The following LAMC3 variants were observed in gnomAD, a reference collection of about 807,000 sequenced individuals.
LAMC3 encodes laminin subunit gamma 3.
A neutral mutation model predicts 173.8 loss-of-function variants in LAMC3; 128 were observed. The observed-to-expected ratio is 0.74, with a 90% CI of 0.64 to 0.85. The LOEUF (loss-of-function observed/expected upper bound fraction) is 0.85. Among genes scored for constraint, LAMC3 ranks in the 40% least tolerant of loss-of-function variants. The pLI is 0.00. For synonymous variants in LAMC3, 897 were observed against 909.1 expected (o/e 0.99, Z 0.24); for missense variants, 2,022 against 2,156.0 (o/e 0.94, Z 1.23).
chr9:131,065,301 C>T (rs567559306), intron 13 of LAMC3, among the ~76,000 whole-genome samples: 41 of 152,302 alleles, frequency 2.7e-4, no homozygotes, highest in African/African-American at 9.4e-4. Flanking sequence ...AGCATGTCTT[C>T]TGCAGCTCAC....
rs1291791396 is a variant in LAMC3 at position 131,082,134 on chromosome 9, G to A, written c.4003G>A (p.Ala1335Thr). 6.2e-7 allele frequency: 1 copy of A among 1,613,748 alleles called. No individual in the cohort carries two copies. The highest frequency in any genetic ancestry group is 1.3e-5 in the African/African-American group (1 of 75,060). ...VQAATVTVMGARTLLADLEGM... is the reference protein window; with the variant it reads ...VQAATVTVMGTRTLLADLEGM... The stretch of plus-strand genomic sequence containing the variant: ...GGCTGCGACAGTGACTGTCATGGGA[G>A]CCAGGACTCTGCTGGCTGATCTGGA... The change falls in exon 24 of 28, where the codon GCC (alanine) becomes ACC (threonine). Residue 1335 changes from alanine to threonine, a missense_variant. Physicochemically the swap from Ala to Thr is moderately conservative, Grantham distance 58. Transcript: ENST00000361069.
chr9:131,025,754 G>A (rs1016532131), intron 1 of LAMC3, among the ~76,000 whole-genome samples: 1 of 152,150 alleles, frequency 6.6e-6, no homozygotes, highest in African/African-American at 2.4e-5. Flanking sequence ...TGGGAGATGA[G>A]GCTGTGGGGC....
intron 23 of LAMC3, chr9:131,080,473 G>C (rs1423518392): frequency 6.6e-6 from 1 of 152,040 alleles, no homozygotes; most frequent in East Asian, 1.9e-4. Flanking sequence ...ATTTTTAGTA[G>C]AGATGGGGTT....
chr9:131,055,643 T>C (rs1212374235), intron 11 of LAMC3, among the ~76,000 whole-genome samples: 1 of 151,670 alleles, frequency 6.6e-6, no homozygotes, highest in East Asian at 1.9e-4. Context: ...GCCAGGATGG[T>C]CTCGATTTCC....
chr9:131,072,637 G>T lies in LAMC3; in HGVS notation c.3219G>T (p.Arg1073=). 6.2e-7 allele frequency: 1 copy of T among 1,609,802 alleles called. No homozygotes were observed. The highest frequency in any genetic ancestry group is 2.2e-5 in the East Asian group (1 of 44,834). Residue 1073 remains arginine, a synonymous_variant, in exon 19 of 28, where the codon CGG becomes CGT. Transcript: ENST00000361069. The stretch of plus-strand genomic sequence containing the variant: ...GCTGTGGGCTTCCCATAGGGGCTCG[G>T]GAAGCCTTCCTGGAGCAGATGATGA... ...YQGHHLLPGA[R]EAFLEQMMSL... is the part of the protein sequence containing the mutation.
At chr9:131,059,545 G>GACAA (rs1554788252) in intron 12 of LAMC3, among the ~76,000 whole-genome samples, 1 of 73,892 alleles carries the variant, frequency 1.4e-5, no homozygotes, top group Non-Finnish European at 3.6e-5. Flanking sequence ...AGCCGGGGAG[G>GACAA]GCAAGCACAA....
At chr9:131,064,467 T>G (rs1185682070) in intron 13 of LAMC3, among the ~76,000 whole-genome samples, 7 of 148,246 alleles carry the variant, frequency 4.7e-5, no homozygotes, top group Non-Finnish European at 7.5e-5. Flanking sequence ...ATCGAGACCA[T>G]CCTGGCTAAC....
chr9:131,029,327 G>A lies in LAMC3; in HGVS notation c.679-2718G>A, dbSNP rs374144373. On this transcript the variant is annotated intron_variant, in intron 2 of 27. Coordinates refer to ENST00000361069, the MANE Select transcript of LAMC3 (RefSeq NM_006059.4). This position sits in a 1 kb window ranked among gnomAD's most constrained non-coding sequence, Gnocchi z 4.6. Reference sequence around the variant, plus strand: ...TTAAAAATTACAATTTCTTCTCCACGGGGCTCCAAAGCTCTGTAGATTAGA... The same window carrying A: ...TTAAAAATTACAATTTCTTCTCCACAGGGCTCCAAAGCTCTGTAGATTAGA... 5.3e-5 allele frequency among the ~76,000 whole-genome samples: 8 copies of A among 152,150 alleles called. No individual in the cohort carries two copies. Among genetic ancestry groups the A allele is most frequent in the Non-Finnish European group, 7.3e-5 (5 of 68,046 alleles).
In LAMC3 at chr9:131,009,603, G is replaced by A; in HGVS notation, c.373+16G>A. On this transcript the variant is annotated intron_variant, in intron 1 of 27. Coordinates refer to ENST00000361069, the MANE Select transcript of LAMC3 (RefSeq NM_006059.4). The surrounding 1 kb of genome is among the most constrained non-coding windows in gnomAD (Gnocchi z 4.3). The stretch of plus-strand genomic sequence containing the variant: ...CTCCGCCTAGGTAAGCGCGGGCTGG[G>A]GGCACCGCCACCGCACCCCGTGTCC... 1 of 1,562,502 alleles carries A rather than the reference G, an allele frequency of 6.4e-7. No homozygotes were observed.
intron 17 of LAMC3, among the ~76,000 whole-genome samples, chr9:131,070,217 C>T (rs1048878223): frequency 2.0e-5 from 3 of 152,212 alleles, no homozygotes; most frequent in African/African-American, 4.8e-5. Context: ...TGCAGAAGTC[C>T]GGAGTTCAAG....
intron 3 of LAMC3, among the ~76,000 whole-genome samples, chr9:131,032,649 ACTCACTCTCT>A (rs199588560): frequency 0.057 from 6,272 of 109,822 alleles, 175 homozygotes; most frequent in South Asian, 0.19. Context: ...TCTCGCTCTC[ACTCACTCTCT>A]CTCACTCTCT....
chr9:131,034,915 G>T (rs1315805147), intron 3 of LAMC3, among the ~76,000 whole-genome samples: 1 of 151,780 alleles, frequency 6.6e-6, no homozygotes, highest in East Asian at 1.9e-4. Context: ...GTCCATTCTT[G>T]TACTGCTGTA....
At chr9:131,054,528 C>T (rs1217485711) in intron 11 of LAMC3, among the ~76,000 whole-genome samples, 4 of 151,882 alleles carry the variant, frequency 2.6e-5, no homozygotes, top group Non-Finnish European at 4.4e-5. Context: ...CTGAGGCGGG[C>T]GGATCACTTG....
At chr9:131,065,609 GTGA>G (rs1829917704) in intron 13 of LAMC3, among the ~76,000 whole-genome samples, 1 of 152,162 alleles carries the variant, frequency 6.6e-6, no homozygotes, top group Non-Finnish European at 1.5e-5. Flanking sequence ...TGACAATGAG[GTGA>G]TGATAAAGAT....
chr9:131,013,098 G>A (rs915400), intron 1 of LAMC3, among the ~76,000 whole-genome samples: 2,067 of 152,292 alleles, frequency 0.014, 77 homozygotes, highest in East Asian at 0.12. Context: ...CCAAGGACTC[G>A]CCCAGGCGGC....
chr9:131,039,245 G>A lies in LAMC3; in HGVS notation c.1280G>A (p.Cys427Tyr), dbSNP rs1361758520. The A allele has an allele frequency of 3.1e-6, 5 of 1,603,334 alleles. No individual in the cohort carries two copies. The African/African-American group carries it at 5.3e-5, about 17-fold the overall frequency. ...PGFHSLSEGGCRPCTCNPAGS... is the reference protein window; with the variant it reads ...PGFHSLSEGGYRPCTCNPAGS... ...TTCCACTCGCTCAGTGAGGGAGGCT[G>A]CAGGTGAGGGCGAGGGGCGGCCCAG... The change falls in exon 6 of 28, where the codon TGC becomes TAC. Residue 427 changes from cysteine to tyrosine, a missense_variant. Cys to Tyr is a radical substitution (Grantham distance 194). Transcript: ENST00000361069.
intron 18 of LAMC3, among the ~76,000 whole-genome samples, chr9:131,072,346 T>C (rs1225378637): frequency 6.6e-6 from 1 of 152,134 alleles, no homozygotes; most frequent in South Asian, 2.1e-4. Flanking sequence ...CAGAGCTGAT[T>C]TGAAGGGTCC....
At chr9:131,039,301 C>A (rs1588146285) in intron 6 of LAMC3, 53 bp downstream of exon 6, 2 of 1,438,120 alleles carry the variant, frequency 1.4e-6, no homozygotes, top group Non-Finnish European at 1.9e-6. Flanking sequence ...TGACAAGAAG[C>A]AGGAGGAACA....
chr9:131,018,237 C>G (rs13287183), intron 1 of LAMC3, among the ~76,000 whole-genome samples: 3 of 150,712 alleles, frequency 2.0e-5, no homozygotes, highest in African/African-American at 4.9e-5. Flanking sequence ...TACGTTCGAG[C>G]GATTCTCATG....
Sources: gnomAD v4.1 joint callset for allele counts (sites outside exome capture counted in the v4.1 genomes callset) on GRCh38, gnomAD v4.1.1 for gene constraint, Gnocchi (gnomAD v3.1) non-coding constraint, MANE v1.5 for transcripts, NCBI Gene and HGNC (gene_info 2026-07-23, HGNC 2026-07-21) for gene names.